GRIP2: variants seen among roughly 807,000 people sequenced by gnomAD.
The protein encoded by GRIP2 is glutamate receptor-interacting protein 2.
GRIP2 carries 58 observed loss-of-function variants against 108.3 expected under a neutral mutation model. The ratio of observed to expected loss-of-function variants is 0.54; its 90% CI spans 0.43 to 0.67. GRIP2 has a LOEUF of 0.67. Among genes scored for constraint, GRIP2 ranks in the 30% least tolerant of loss-of-function variants. GRIP2 has a pLI of 0.00. For missense variants in GRIP2, 1,278 were observed against 1,430.6 expected (o/e 0.89, Z 1.72); for synonymous variants, 586 against 598.2 (o/e 0.98, Z 0.30).
upstream of GRIP2, among the ~76,000 whole-genome samples, chr3:14,541,129 T>A (rs116263234): frequency 2.3e-3 from 347 of 152,366 alleles, 1 homozygote; most frequent in African/African-American, 8.0e-3. Context: ...CCACATTGGC[T>A]CAGGACTGAC....
At chr3:14,577,786 C>T in the GRIP2 span, among the ~76,000 whole-genome samples, 5 of 152,318 alleles carry the variant, frequency 3.3e-5, no homozygotes, top group East Asian at 9.6e-4. Flanking sequence ...CTGGGGGTCC[C>T]ACTTGTGAAG....
the GRIP2 span, chr3:14,573,928 T>C: frequency 2.7e-6 from 3 of 1,120,332 alleles, no homozygotes; most frequent in Non-Finnish European, 4.0e-6. Flanking sequence ...GCCGAGTGCT[T>C]CTCGTGCTCG....
chr3:14,562,114 A>G, the GRIP2 span, among the ~76,000 whole-genome samples: 1 of 152,236 alleles, frequency 6.6e-6, no homozygotes. Context: ...GGAGTACCGG[A>G]GTACAGAAGT....
chr3:14,559,256 CAG>C (rs2124989425), upstream of GRIP2, among the ~76,000 whole-genome samples: 1 of 152,194 alleles, frequency 6.6e-6, no homozygotes, highest in Admixed American at 6.5e-5. Flanking sequence ...ATTAAAAACA[CAG>C]AGCATTATCT....
At chr3:14,510,074 T>G in intron 16 of GRIP2, 110 bp from the exon 17 acceptor site, 1 of 1,007,426 alleles carries the variant, frequency 9.9e-7, no homozygotes, top group Non-Finnish European at 1.3e-6. Flanking sequence ...ATTCACCCAG[T>G]CACTCACGCT....
chr3:14,530,324 C>T (rs1418309253), intron 1 of GRIP2, among the ~76,000 whole-genome samples: 1 of 152,228 alleles, frequency 6.6e-6, no homozygotes, highest in Non-Finnish European at 1.5e-5. Flanking sequence ...GACGCACAAA[C>T]ATCCCCCCAT....
Position 14,511,543 on chromosome 3 carries a change from C to G in GRIP2, c.1721-64G>C. On this transcript the variant is annotated intron_variant, in intron 14 of 23. Coordinates refer to ENST00000621039, the MANE Select transcript of GRIP2 (RefSeq NM_001080423.4). This position sits in a 1 kb window ranked among gnomAD's most constrained non-coding sequence, Gnocchi z 4.1. The stretch of plus-strand genomic sequence containing the variant: ...TCAGCCTGGGGTGGGGTGGCGAAGC[C>G]CAGGGGTCTGAGTGTGGACTCGGAG... 3 of 1,524,272 alleles carry G rather than the reference C, an allele frequency of 2.0e-6. No homozygotes were observed. Among genetic ancestry groups the G allele is most frequent in the Non-Finnish European group, 2.7e-6 (3 of 1,106,414 alleles). 94.4% of individuals were successfully genotyped at this position (1,524,272 alleles called of 1,614,324 possible). A position where few individuals can be genotyped will look rare whatever the true frequency, so the allele number is the denominator to read the frequency against.
Position 14,514,346 on chromosome 3 carries a change from G to A in GRIP2, c.1439C>T (p.Thr480Ile), listed in dbSNP as rs1377452507. Residue 480 changes from threonine (T) to isoleucine (I), a missense_variant, in exon 12 of 24, where the codon ACC becomes ATC. Transcript: ENST00000621039. ...GCACACGAGGGGTGGGGAGGACAGGGTCTCGGTGGCGAAGATGCCGCCCTG... is the reference window on the plus strand; with the variant it reads ...GCACACGAGGGGTGGGGAGGACAGGATCTCGGTGGCGAAGATGCCGCCCTG... The part of the protein sequence containing the change: ...QLQGGIFATE[T>I]LSSPPLVCFI... 1.5e-5 allele frequency: 23 copies of A among 1,578,360 alleles called. No individual in the cohort carries two copies. The highest frequency in any genetic ancestry group is 1.9e-5 in the Non-Finnish European group (22 of 1,163,158).
chr3:14,545,833 A>G (rs1249484389), upstream of GRIP2, among the ~76,000 whole-genome samples: 2 of 152,178 alleles, frequency 1.3e-5, no homozygotes, highest in Non-Finnish European at 2.9e-5. Flanking sequence ...AATATTTACT[A>G]AGCACCTACT....
upstream of GRIP2, among the ~76,000 whole-genome samples, chr3:14,560,725 T>G (rs1695304520): frequency 1.3e-5 from 2 of 151,980 alleles, no homozygotes; most frequent in African/African-American, 2.4e-5. Flanking sequence ...ATGCCTGAAG[T>G]TGGGTATCCC....
chr3:14,530,256 G>C (rs1694673985), intron 1 of GRIP2, among the ~76,000 whole-genome samples: 1 of 152,208 alleles, frequency 6.6e-6, no homozygotes, highest in Non-Finnish European at 1.5e-5. Context: ...ACTTGGGAAA[G>C]TACAAGGTAG....
rs774927645 is a variant in GRIP2, at chr3:14,525,454, A to G, written c.240T>C (p.Pro80=). The G allele has an allele frequency of 9.9e-6, 16 of 1,613,012 alleles. No individual in the cohort carries two copies. Among genetic ancestry groups the G allele is most frequent in the Non-Finnish European group, 1.3e-5 (15 of 1,179,806 alleles). ...CTTCTCACCTGGCTGCAAGTCCCCC[A>G]GGTCTCAGGTTGGAGACCCTGGGCT... ...DGKPRVSNLR[P]GGLAARSDLL... is the part of the protein sequence containing the mutation. The change falls in exon 3 of 24, where the codon CCT becomes CCC. Residue 80 remains proline, a synonymous_variant. Coordinates refer to ENST00000621039, the MANE Select transcript of GRIP2 (RefSeq NM_001080423.4).
Position 14,503,684 on chromosome 3 carries a change from A to C in GRIP2, c.2574-13T>G. 1 of 1,356,842 alleles carries C rather than the reference A, an allele frequency of 7.4e-7. No homozygotes were observed. The highest frequency in any genetic ancestry group is 1.0e-6 in the Non-Finnish European group (1 of 994,216). 84.1% of individuals were successfully genotyped at this position (1,356,842 alleles called of 1,614,324 possible). On this transcript the variant is annotated splice_polypyrimidine_tract_variant and intron_variant, in intron 20 of 23. Transcript: ENST00000621039. Reference sequence around the variant, plus strand: ...GCCAGGGGCTGGGCTGTAACGTAGGAACCAGAGAGCGTCAACTCCTGGCAG... The same window carrying C: ...GCCAGGGGCTGGGCTGTAACGTAGGCACCAGAGAGCGTCAACTCCTGGCAG...
chr3:14,571,214 CT>C, the GRIP2 span, among the ~76,000 whole-genome samples: 2 of 152,090 alleles, frequency 1.3e-5, no homozygotes, highest in African/African-American at 4.8e-5. Flanking sequence ...AGGTGTGTGT[CT>C]GTGTGTGCCT....
intron 9 of GRIP2, 38 bp from the exon 10 acceptor site, chr3:14,517,935 C>G (rs1014353298): frequency 6.7e-7 from 1 of 1,498,910 alleles, no homozygotes; most frequent in Non-Finnish European, 8.9e-7. Flanking sequence ...GAGGTGCAGG[C>G]GTTAGTGGCT....
the GRIP2 span, among the ~76,000 whole-genome samples, chr3:14,600,080 C>T: frequency 6.6e-6 from 1 of 152,112 alleles, no homozygotes; most frequent in Non-Finnish European, 1.5e-5. Flanking sequence ...GCCATGAATT[C>T]AAGTAGCCAC....
At chr3:14,548,431 GC>G (rs1340829150) in intron 1 of GRIP2, among the ~76,000 whole-genome samples, 1 of 152,110 alleles carries the variant, frequency 6.6e-6, no homozygotes, top group Non-Finnish European at 1.5e-5. Flanking sequence ...ACGGACCTCC[GC>G]ACACTGGAGT....
At chr3:14,579,687 C>CCGCTCTGCCACCTG in the GRIP2 span, among the ~76,000 whole-genome samples, 1 of 151,860 alleles carries the variant, frequency 6.6e-6, no homozygotes, top group East Asian at 1.9e-4. Context: ...GCCTTCACAA[C>CCGCTCTGCCACCTG]CCTGGGGAAA....
chr3:14,583,423 C>A, the GRIP2 span, among the ~76,000 whole-genome samples: 1 of 152,202 alleles, frequency 6.6e-6, no homozygotes, highest in Non-Finnish European at 1.5e-5. Context: ...TGACAGCAAC[C>A]TTGATGGGGG....
Sources: allele counts gnomAD v4.1 joint callset (sites outside exome capture counted in the v4.1 genomes callset), GRCh38; gene constraint gnomAD v4.1.1; non-coding constraint Gnocchi (gnomAD v3.1); transcripts MANE v1.5; gene names NCBI Gene and HGNC (gene_info 2026-07-23, HGNC 2026-07-21).